The following JUP variants were observed in gnomAD, a reference collection of about 807,000 sequenced individuals.
The protein encoded by JUP is junction plakoglobin, also known as catenin (cadherin-associated protein), gamma 80kDa.
JUP carries 28 observed loss-of-function variants against 71.1 expected under a neutral mutation model. The ratio of observed to expected loss-of-function variants is 0.39; its 90% confidence interval spans 0.29 to 0.54. The LOEUF (loss-of-function observed/expected upper bound fraction) is 0.54. Among genes scored for constraint, JUP ranks in the 20% least tolerant of loss-of-function variants. The pLI is 0.62. For synonymous variants in JUP, 401 were observed against 438.9 expected, an observed-to-expected ratio of 0.91 and a Z score of 1.08; for missense variants, 869 against 1,030.1, an observed-to-expected ratio of 0.84 and a Z score of 2.14.
intron 8 of JUP, among the ~76,000 whole-genome samples, chr17:41,760,043 G>A (rs1400917876): frequency 6.6e-6 from 1 of 151,642 alleles, no homozygotes; most frequent in East Asian, 2.0e-4. Context: ...GTGAAACCAC[G>A]TCTCTACTAA....
chr17:41,755,666 G>A lies in JUP; in HGVS notation c.*78C>T. 7.3e-7 allele frequency: 1 copy of A among 1,363,542 alleles called. No homozygotes were observed. Among genetic ancestry groups the A allele is most frequent in the Non-Finnish European group, 9.8e-7 (1 of 1,016,386 alleles). 84.5% of individuals were successfully genotyped at this position (1,363,542 alleles called of 1,614,324 possible). On this transcript the variant is annotated 3_prime_UTR_variant, in exon 14 of 14. Coordinates refer to ENST00000393931, the MANE Select transcript of JUP (RefSeq NM_002230.4). ...GGAGCGCAGGTTTCAGCGGGGAGAT[G>A]GGAGGGCCTCCAACAGAAGGAGGTT...
chr17:41,758,257 T>C (rs1914198504), intron 10 of JUP, 142 bp downstream of exon 10: 2 of 1,012,022 alleles, frequency 2.0e-6, no homozygotes, highest in Non-Finnish European at 3.0e-6. Flanking sequence ...TGCTAAGTAG[T>C]CAATCTGGAG....
chr17:41,782,466 C>T (rs943116805), intron 1 of JUP, among the ~76,000 whole-genome samples: 7 of 152,172 alleles, frequency 4.6e-5, no homozygotes, highest in African/African-American at 1.7e-4. Context: ...TGGCATAGCC[C>T]CAGCCCCCAG....
intron 1 of JUP, among the ~76,000 whole-genome samples, chr17:41,775,272 G>C (rs2046826946): frequency 6.6e-6 from 1 of 152,148 alleles, no homozygotes; most frequent in South Asian, 2.1e-4. Flanking sequence ...GGCAACGTCA[G>C]AGTTGGGAAC....
rs1567815934 is a variant in JUP at position 41,767,429 on chromosome 17, T to C, written c.859A>G (p.Ile287Val). 2.5e-6 allele frequency: 4 copies of C among 1,614,104 alleles called. No homozygotes were observed. The highest frequency in any genetic ancestry group is 1.1e-5 in the South Asian group (1 of 91,080). ...LNKNNPKFLA[I>V]TTDCLQLLAY... The stretch of plus-strand genomic sequence containing the variant: ...AGGAGCTGCAGGCAGTCGGTGGTGA[T>C]GGCCAGGAACTTGGGGTTGTTCTTG... Residue 287 changes from isoleucine (I) to valine (V), a missense_variant, in exon 5 of 14, where the codon ATC becomes GTC. Coordinates refer to ENST00000393931, the MANE Select transcript of JUP (RefSeq NM_002230.4).
Position 41,757,465 on chromosome 17 carries a change from C to T in JUP, c.1996G>A (p.Val666Met), listed in dbSNP as rs372369061. ...KNPDYRKRVS[V>M]ELTNSLFKHD... ...TTGAAGAGGGAGTTGGTGAGCTCCA[C>T]GGACACGCGCTTCCGGTAGTCTGGG... Residue 666 changes from valine to methionine, a missense_variant, in exon 12 of 14, where the codon GTG (valine) becomes ATG (methionine). Coordinates refer to ENST00000393931, the MANE Select transcript of JUP (RefSeq NM_002230.4). 9.3e-6 allele frequency: 15 copies of T among 1,614,100 alleles called. No individual in the cohort carries two copies. Among genetic ancestry groups the T allele is most frequent in the East Asian group, 8.9e-5 (4 of 44,896 alleles).
At chr17:41,773,363 C>T (rs1339475303) in intron 1 of JUP, among the ~76,000 whole-genome samples, 1 of 152,232 alleles carries the variant, frequency 6.6e-6, no homozygotes, top group African/African-American at 2.4e-5. Context: ...CCTTTTATGG[C>T]AGGCAGCCGT....
chr17:41,785,497 A>T (rs1555611549), intron 1 of JUP, among the ~76,000 whole-genome samples: 1 of 151,960 alleles, frequency 6.6e-6, no homozygotes, highest in Non-Finnish European at 1.5e-5. Flanking sequence ...CCCAGCGAAC[A>T]GGATGAATGT....
chr17:41,758,618 G>T, intron 9 of JUP, 97 bp downstream of exon 9: 2 of 1,569,486 alleles, frequency 1.3e-6, no homozygotes, highest in Non-Finnish European at 1.7e-6. Context: ...CTTGGAATTG[G>T]CATCAGTTGC....
chr17:41,781,136 G>C (rs562566043), intron 1 of JUP, among the ~76,000 whole-genome samples: 1 of 149,746 alleles, frequency 6.7e-6, no homozygotes, highest in African/African-American at 2.5e-5. Flanking sequence ...AGCGGAGATC[G>C]TGCCACTGCA....
rs782707841 is a variant in JUP at position 41,757,794 on chromosome 17, G to A, written c.1774-10C>T. 5.6e-6 allele frequency: 9 copies of A among 1,602,156 alleles called. No homozygotes were observed. Among genetic ancestry groups the A allele is most frequent in the Admixed American group, 5.1e-5 (3 of 59,164 alleles). ...CCGACGAGTACAGGAGCTGGGGAGA[G>A]GGGACGTGGGAAGCAGGGGAGAGGT... On this transcript the variant is annotated splice_polypyrimidine_tract_variant and intron_variant, in intron 10 of 13. Transcript: ENST00000393931.
At position 41,762,985 on chromosome 17, in the gene JUP, T is replaced by G. The variant is rs782395614; in HGVS notation, c.1495A>C (p.Lys499Gln). The change falls in exon 8 of 14, where the codon AAG becomes CAG. Residue 499 changes from lysine to glutamine, a missense_variant and splice_region_variant. Transcript: ENST00000393931. The stretch of plus-strand genomic sequence containing the variant: ...TTCCCCTCGCCTAACAGCAGTACCT[T>G]GACCAGTGGCCACTGGTTGGGCTGG... ...LNQPNQWPLVKATIGLIRNLA... is the reference protein window; with the variant it reads ...LNQPNQWPLVQATIGLIRNLA... 6.2e-7 allele frequency: 1 copy of G among 1,613,094 alleles called. No homozygotes were observed. The highest frequency in any genetic ancestry group is 8.5e-7 in the Non-Finnish European group (1 of 1,179,294).
chr17:41,757,782 G>C lies in JUP; in HGVS notation c.1776C>G (p.Leu592=). 6.2e-7 allele frequency: 1 copy of C among 1,606,232 alleles called. No homozygotes were observed. Among genetic ancestry groups the C allele is most frequent in the Non-Finnish European group, 8.5e-7 (1 of 1,175,902 alleles). ...GGATGTTCTCCACCGACGAGTACAG[G>C]AGCTGGGGAGAGGGGACGTGGGAAG... is the stretch of plus-strand genomic sequence containing the variant. ...RLNTIPLFVQ[L]LYSSVENIQR... is the part of the protein sequence containing the mutation. The change falls in exon 11 of 14, where the codon CTC becomes CTG. Residue 592 remains leucine (L), a splice_region_variant and synonymous_variant. Coordinates refer to ENST00000393931, the MANE Select transcript of JUP (RefSeq NM_002230.4).
intron 1 of JUP, among the ~76,000 whole-genome samples, chr17:41,783,858 G>A (rs1011710392): frequency 2.9e-5 from 4 of 139,100 alleles, no homozygotes; most frequent in Non-Finnish European, 6.0e-5. Context: ...GGCGGAGGTT[G>A]CAGTGAGCCT....
intron 8 of JUP, among the ~76,000 whole-genome samples, chr17:41,760,406 C>A (rs1317236239): frequency 1.3e-5 from 2 of 151,522 alleles, no homozygotes; most frequent in Non-Finnish European, 2.9e-5. Context: ...CAGGCGCCCG[C>A]CACCACGCCT....
chr17:41,782,307 G>C (rs1555610487), intron 1 of JUP, among the ~76,000 whole-genome samples: 1 of 152,154 alleles, frequency 6.6e-6, no homozygotes, highest in African/African-American at 2.4e-5. Context: ...CCTATCTCAG[G>C]TCTCTTGGGC....
chr17:41,758,916 G>A, intron 8 of JUP, 46 bp from the exon 9 acceptor site: 4 of 1,570,234 alleles, frequency 2.5e-6, no homozygotes, highest in Non-Finnish European at 3.5e-6. Flanking sequence ...TTGGACATCT[G>A]AAGGATCCCA....
chr17:41,784,131 A>C (rs2047327716), intron 1 of JUP, among the ~76,000 whole-genome samples: 1 of 152,112 alleles, frequency 6.6e-6, no homozygotes, highest in Non-Finnish European at 1.5e-5. Flanking sequence ...CCAAATAAAC[A>C]GTCCTTCTGT....
intron 5 of JUP, among the ~76,000 whole-genome samples, chr17:41,765,694 G>A (rs1306460661): frequency 2.0e-5 from 3 of 151,772 alleles, no homozygotes; most frequent in Non-Finnish European, 2.9e-5. Flanking sequence ...CCAAAATTTT[G>A]AAAAAAGGAT....
Sources: gnomAD v4.1 joint callset for allele counts (sites outside exome capture counted in the v4.1 genomes callset) on GRCh38, gnomAD v4.1.1 for gene constraint, MANE v1.5 for transcripts, NCBI Gene and HGNC (gene_info 2026-07-23, HGNC 2026-07-21) for gene names.